The following CABCOCO1 variants were observed in gnomAD, a reference collection of about 807,000 sequenced individuals.
CABCOCO1 encodes ciliary-associated calcium-binding coiled-coil protein 1.
A neutral mutation model predicts 35.7 loss-of-function variants in CABCOCO1; 28 were observed. The ratio of observed to expected loss-of-function variants is 0.78; its 90% CI spans 0.58 to 1.07. CABCOCO1 has a LOEUF of 1.07. Ranked by LOEUF, CABCOCO1 falls within the 50% of genes least tolerant of loss-of-function variation. CABCOCO1 has a pLI of 0.00. For synonymous variants in CABCOCO1, 95 were observed against 100.1 expected, an observed-to-expected ratio of 0.95 and a Z score of 0.30; for missense variants, 326 against 309.2, an observed-to-expected ratio of 1.05 and a Z score of -0.41.
chr10:61,729,887 A>G (rs572854266), intron 5 of CABCOCO1, among the ~76,000 whole-genome samples: 1 of 152,254 alleles, frequency 6.6e-6, no homozygotes, highest in East Asian at 1.9e-4. Flanking sequence ...GTATGATTTC[A>G]CTTATATCAG....
chr10:61,676,709 A>T (rs1362789011), intron 2 of CABCOCO1, among the ~76,000 whole-genome samples: 1 of 152,172 alleles, frequency 6.6e-6, no homozygotes, highest in Admixed American at 6.5e-5. Flanking sequence ...AGAAAAAGTA[A>T]CCTATAGAGG....
intron 5 of CABCOCO1, among the ~76,000 whole-genome samples, chr10:61,726,792 T>A (rs1376581070): frequency 6.6e-6 from 1 of 151,134 alleles, no homozygotes; most frequent in Non-Finnish European, 1.5e-5. Context: ...GCACAGTGGC[T>A]CACTCCTGTA....
At chr10:61,691,039 G>T (rs1220799226) in intron 5 of CABCOCO1, among the ~76,000 whole-genome samples, 1 of 151,890 alleles carries the variant, frequency 6.6e-6, no homozygotes, top group Non-Finnish European at 1.5e-5. Context: ...ACCTAATTTA[G>T]ATCCCACTTC....
Position 61,680,581 on chromosome 10 carries a change from TATATA to T in CABCOCO1, c.165-560_165-556del, listed in dbSNP as rs1352430330. On this transcript the variant is annotated intron_variant, in intron 2 of 7. Coordinates refer to ENST00000648843, the MANE Select transcript of CABCOCO1 (RefSeq NM_001366906.2). ...ATATATATTTGTATATATTATGTTA[TATATA>T]ACATATGTTATACATGTATAACATG... 4.7e-4 allele frequency among the ~76,000 whole-genome samples: 45 copies of T among 95,294 alleles called. 2 individuals are homozygous for T. Among genetic ancestry groups the T allele is most frequent in the South Asian group, 1.3e-3 (4 of 3,050 alleles). The allele number at this position is 95,294 out of a possible 152,430, so 62.5% of individuals were successfully genotyped here. A position where few individuals can be genotyped will look rare whatever the true frequency, so the allele number is the denominator to read the frequency against.
chr10:61,685,909 C>G, intron 3 of CABCOCO1, 132 bp from the exon 4 acceptor site: 2 of 771,562 alleles, frequency 2.6e-6, no homozygotes, highest in South Asian at 3.7e-5. Flanking sequence ...TATGAAGAAA[C>G]AAGAGTTTTA....
intron 5 of CABCOCO1, among the ~76,000 whole-genome samples, chr10:61,747,715 GC>G (rs1841693499): frequency 6.6e-6 from 1 of 152,014 alleles, no homozygotes; most frequent in South Asian, 2.1e-4. Flanking sequence ...ACTTCGATCT[GC>G]TGAAGTGATA....
intron 2 of CABCOCO1, among the ~76,000 whole-genome samples, chr10:61,678,315 G>A (rs1432299694): frequency 6.6e-6 from 1 of 152,120 alleles, no homozygotes; most frequent in East Asian, 1.9e-4. Flanking sequence ...TCACTTAAGA[G>A]TGAATGATAC....
At chr10:61,710,503 A>C (rs967173976) in intron 5 of CABCOCO1, among the ~76,000 whole-genome samples, 6 of 152,028 alleles carry the variant, frequency 3.9e-5, no homozygotes, top group African/African-American at 1.4e-4. Context: ...ATAAGGCATA[A>C]AATTTACAAA....
intron 2 of CABCOCO1, among the ~76,000 whole-genome samples, chr10:61,675,936 G>C (rs1420761749): frequency 6.6e-6 from 1 of 151,982 alleles, no homozygotes; most frequent in Non-Finnish European, 1.5e-5. Context: ...TAGTGAATCA[G>C]AAAAAATAGT....
In CABCOCO1 at chr10:61,765,950, C is replaced by T. The variant is rs765205713; in HGVS notation, c.828C>T (p.Asn276=). 15 of 1,612,580 alleles carry T rather than the reference C, an allele frequency of 9.3e-6. No individual in the cohort carries two copies. Among genetic ancestry groups the T allele is most frequent in the Admixed American group, 1.7e-5 (1 of 59,902 alleles). ...DILIGIQTEI[N]EKLQIQEEAF... is the part of the protein sequence containing the mutation. ...GATTGTCTTCACAGACCGAGATAAA[C>T]GAAAAACTGCAAATACAGGAAGAGG... The change falls in exon 8 of 8, where the codon AAC becomes AAT. Residue 276 remains asparagine (N), a synonymous_variant. Coordinates refer to ENST00000648843, the MANE Select transcript of CABCOCO1 (RefSeq NM_001366906.2).
intron 1 of CABCOCO1, among the ~76,000 whole-genome samples, chr10:61,665,918 A>G (rs1449612393): frequency 1.3e-5 from 2 of 152,100 alleles, no homozygotes; most frequent in Non-Finnish European, 2.9e-5. Context: ...AGGGAATTGA[A>G]TCATAAGTAG....
chr10:61,744,510 C>T (rs1041914892), intron 5 of CABCOCO1, among the ~76,000 whole-genome samples: 1 of 152,138 alleles, frequency 6.6e-6, no homozygotes, highest in Admixed American at 6.6e-5. Flanking sequence ...TAATCAGGGT[C>T]ATCAAGCAGC....
chr10:61,735,895 T>C (rs1841405305), intron 5 of CABCOCO1, among the ~76,000 whole-genome samples: 1 of 152,194 alleles, frequency 6.6e-6, no homozygotes, highest in Non-Finnish European at 1.5e-5. Context: ...CAAACTACGC[T>C]TCTCTAATTA....
intron 5 of CABCOCO1, among the ~76,000 whole-genome samples, chr10:61,709,761 G>A (rs918380842): frequency 6.6e-6 from 1 of 151,320 alleles, no homozygotes; most frequent in Non-Finnish European, 1.5e-5. Flanking sequence ...ATTTTTCGTA[G>A]GGTTCCAGCA....
At chr10:61,673,352 C>A (rs1243085853) in intron 2 of CABCOCO1, among the ~76,000 whole-genome samples, 1 of 152,148 alleles carries the variant, frequency 6.6e-6, no homozygotes, top group Admixed American at 6.5e-5. Context: ...AACATAATAT[C>A]CTAAAAGGTG....
intron 1 of CABCOCO1, 105 bp downstream of exon 1, chr10:61,663,137 A>G: frequency 4.8e-6 from 1 of 209,800 alleles, no homozygotes; most frequent in South Asian, 5.6e-5. Flanking sequence ...CCGGTCTCCG[A>G]AGAGGCGCCG....
At chr10:61,719,540 G>T (rs1018475294) in intron 5 of CABCOCO1, among the ~76,000 whole-genome samples, 1 of 151,924 alleles carries the variant, frequency 6.6e-6, no homozygotes, top group African/African-American at 2.4e-5. Context: ...CTCAGCATAG[G>T]GTATACACTT....
At chr10:61,733,076 T>C (rs760769313) in intron 5 of CABCOCO1, among the ~76,000 whole-genome samples, 2 of 152,040 alleles carry the variant, frequency 1.3e-5, no homozygotes, top group Non-Finnish European at 2.9e-5. Flanking sequence ...AGATGTACCA[T>C]TGCAAGTAGT....
chr10:61,704,290 G>T (rs1461284100), intron 5 of CABCOCO1, among the ~76,000 whole-genome samples: 1 of 152,180 alleles, frequency 6.6e-6, no homozygotes, highest in Admixed American at 6.5e-5. Flanking sequence ...CCCCTTGAAA[G>T]TGGGCTGGGC....
Sources: gnomAD v4.1 joint callset for allele counts (sites outside exome capture counted in the v4.1 genomes callset) on GRCh38, gnomAD v4.1.1 for gene constraint, MANE v1.5 for transcripts, NCBI Gene and HGNC (gene_info 2026-07-23, HGNC 2026-07-21) for gene names.